Variants in KCTD16 observed in about 807,000 individuals in gnomAD.
KCTD16 encodes potassium channel tetramerization domain containing 16, also known as BTB/POZ domain-containing protein KCTD16.
KCTD16 carries 13 observed loss-of-function variants against 33.2 expected under a neutral mutation model. The ratio of observed to expected loss-of-function variants is 0.39; its 90% confidence interval spans 0.25 to 0.62. The LOEUF (loss-of-function observed/expected upper bound fraction) is 0.62. KCTD16 is among the 20% of genes least tolerant of loss of function. KCTD16 has a pLI of 0.50. For synonymous variants in KCTD16, 197 were observed against 195.3 expected, an observed-to-expected ratio of 1.01 and a Z score of -0.07; for missense variants, 441 against 525.1, an observed-to-expected ratio of 0.84 and a Z score of 1.57.
At chr5:144,343,111 T>C (rs1281922480) in intron 3 of KCTD16, among the ~76,000 whole-genome samples, 1 of 152,204 alleles carries the variant, frequency 6.6e-6, no homozygotes, top group Non-Finnish European at 1.5e-5. Flanking sequence ...TTAGGGAGGA[T>C]TCCCTCTTTT....
At chr5:144,287,977 G>A (rs1269744697) in intron 3 of KCTD16, among the ~76,000 whole-genome samples, 2 of 152,082 alleles carry the variant, frequency 1.3e-5, no homozygotes, top group East Asian at 1.9e-4. Flanking sequence ...TTTACAAACT[G>A]TAAAGTACCA....
At chr5:144,289,524 TCTA>T in intron 3 of KCTD16, among the ~76,000 whole-genome samples, 1 of 152,204 alleles carries the variant, frequency 6.6e-6, no homozygotes, top group Non-Finnish European at 1.5e-5. Context: ...ACACATTCCT[TCTA>T]CTGATTCCAT....
At chr5:144,176,028 T>C (rs2126770255) in intron 2 of KCTD16, among the ~76,000 whole-genome samples, 1 of 152,330 alleles carries the variant, frequency 6.6e-6, no homozygotes, top group East Asian at 1.9e-4. Context: ...TAAAATATGC[T>C]TTTTTATCTC....
At chr5:144,468,051 C>T (rs947994755) in intron 3 of KCTD16, among the ~76,000 whole-genome samples, 1 of 152,138 alleles carries the variant, frequency 6.6e-6, no homozygotes, top group Non-Finnish European at 1.5e-5. Flanking sequence ...ACTCCAAAAG[C>T]AGTTGGTTTC....
chr5:144,216,966 A>T (rs1462737110), intron 3 of KCTD16, among the ~76,000 whole-genome samples: 2 of 152,254 alleles, frequency 1.3e-5, no homozygotes, highest in East Asian at 3.9e-4. Context: ...AAGCTCTGGT[A>T]GTGGTAACTT....
At chr5:144,237,868 G>T (rs775356169) in intron 3 of KCTD16, among the ~76,000 whole-genome samples, 4 of 152,124 alleles carry the variant, frequency 2.6e-5, no homozygotes, top group Non-Finnish European at 5.9e-5. Flanking sequence ...TGGAGAAGCT[G>T]AGTGATTTAT....
chr5:144,308,326 G>A (rs770940549), intron 3 of KCTD16, among the ~76,000 whole-genome samples: 5 of 152,182 alleles, frequency 3.3e-5, no homozygotes, highest in East Asian at 1.9e-4. Flanking sequence ...AATGGCTACC[G>A]CCAACCAGTC....
At chr5:144,385,024 C>T (rs150098695) in intron 3 of KCTD16, among the ~76,000 whole-genome samples, 407 of 152,254 alleles carry the variant, frequency 2.7e-3, no homozygotes, top group Non-Finnish European at 4.4e-3. Flanking sequence ...ATAAGTGGGA[C>T]ATTATGGCCT....
chr5:144,221,552 A>G (rs1001619088), intron 3 of KCTD16, among the ~76,000 whole-genome samples: 1 of 152,154 alleles, frequency 6.6e-6, no homozygotes, highest in Non-Finnish European at 1.5e-5. Context: ...TTTGCTGAGA[A>G]TGATGGTTTC....
chr5:144,345,216 AG>A (rs1020033082), intron 3 of KCTD16, among the ~76,000 whole-genome samples: 11 of 54,628 alleles, frequency 2.0e-4, no homozygotes, highest in Middle Eastern at 8.5e-3. Context: ...GGGGTGGGGG[AG>A]GGGGGAGGGA....
At chr5:144,347,046 AGGGGTCTAGTGTTATTCTTCCAG>A (rs1752821817) in intron 3 of KCTD16, among the ~76,000 whole-genome samples, 1 of 152,082 alleles carries the variant, frequency 6.6e-6, no homozygotes, top group South Asian at 2.1e-4. Context: ...GGTGATACAT[AGGGGTCTAGTGTTATTCTTCCAG>A]CAGAAGTTTC....
intron 3 of KCTD16, among the ~76,000 whole-genome samples, chr5:144,294,888 G>C (rs1051631930): frequency 6.6e-6 from 1 of 152,186 alleles, no homozygotes; most frequent in Non-Finnish European, 1.5e-5. Flanking sequence ...GAGCATTTGA[G>C]TGGACAGAAC....
At chr5:144,247,744 T>G (rs1039725222) in intron 3 of KCTD16, among the ~76,000 whole-genome samples, 1 of 152,226 alleles carries the variant, frequency 6.6e-6, no homozygotes, top group Non-Finnish European at 1.5e-5. Flanking sequence ...ATACTGCTGA[T>G]TATGAACACA....
At chr5:144,253,959 T>A (rs1182599799) in intron 3 of KCTD16, among the ~76,000 whole-genome samples, 1 of 152,160 alleles carries the variant, frequency 6.6e-6, no homozygotes, top group Non-Finnish European at 1.5e-5. Context: ...GTCAGCTATA[T>A]TTTTACTAAA....
intron 3 of KCTD16, among the ~76,000 whole-genome samples, chr5:144,401,600 C>A (rs1392152144): frequency 1.3e-5 from 2 of 152,138 alleles, no homozygotes; most frequent in Non-Finnish European, 2.9e-5. Flanking sequence ...GTTTCCTGGG[C>A]ATTTTGCAGA....
intron 3 of KCTD16, among the ~76,000 whole-genome samples, chr5:144,210,710 T>C (rs1753359597): frequency 6.6e-6 from 1 of 152,116 alleles, no homozygotes. Context: ...AAATGACAGG[T>C]GCATGGAAAT....
intron 3 of KCTD16, among the ~76,000 whole-genome samples, chr5:144,270,232 A>G (rs1196895011): frequency 2.0e-5 from 3 of 151,994 alleles, no homozygotes; most frequent in African/African-American, 2.4e-5. Flanking sequence ...ACAACAGCAT[A>G]TGTATTCTTC....
chr5:144,328,663 GC>G (rs1752273402), intron 3 of KCTD16, among the ~76,000 whole-genome samples: 1 of 151,938 alleles, frequency 6.6e-6, no homozygotes, highest in African/African-American at 2.4e-5. Flanking sequence ...AGACTCTCTA[GC>G]CTGAACATCA....
At chr5:144,309,071 A>G (rs1012588260) in intron 3 of KCTD16, among the ~76,000 whole-genome samples, 3 of 152,302 alleles carry the variant, frequency 2.0e-5, no homozygotes, top group Admixed American at 2.0e-4. Flanking sequence ...ATGCTCACCT[A>G]CATCTGCTGT....
Sources: allele counts gnomAD v4.1 joint callset (sites outside exome capture counted in the v4.1 genomes callset), GRCh38; gene constraint gnomAD v4.1.1; transcripts MANE v1.5; gene names NCBI Gene and HGNC (gene_info 2026-07-23, HGNC 2026-07-21).